PIK3C2B: variants seen among roughly 807,000 people sequenced by gnomAD.
PIK3C2B encodes phosphatidylinositol-4-phosphate 3-kinase catalytic subunit type 2 beta.
A neutral mutation model predicts 184.3 loss-of-function variants in PIK3C2B; 83 were observed. The observed-to-expected ratio is 0.45, with a 90% CI of 0.38 to 0.54. PIK3C2B has a LOEUF of 0.54. PIK3C2B is among the 20% of genes least tolerant of loss of function. PIK3C2B has a pLI of 0.00. For synonymous variants in PIK3C2B, 779 were observed against 837.6 expected (o/e 0.93, Z 1.21); for missense variants, 1,736 against 2,113.5 (o/e 0.82, Z 3.50).
chr1:204,462,537 A>G (rs960102364), intron 5 of PIK3C2B, among the ~76,000 whole-genome samples: 1 of 152,166 alleles, frequency 6.6e-6, no homozygotes, highest in Non-Finnish European at 1.5e-5. Context: ...CCCTTCTAAC[A>G]GTGGCAGGCC....
At position 204,464,437 on chromosome 1, in the gene PIK3C2B, C is replaced by A. The variant is rs756601020; in HGVS notation, c.1189+13G>T. ...AAGGGATGCTCACATCCTCTCCCCC[C>A]TCACTAACTTACAGTTGCAGGTGAA... On this transcript the variant is annotated intron_variant, in intron 4 of 32. Coordinates refer to ENST00000684373, the MANE Select transcript of PIK3C2B (RefSeq NM_001377334.1). 1.7e-5 allele frequency: 27 copies of A among 1,610,678 alleles called. No homozygotes were observed. The highest frequency in any genetic ancestry group is 2.1e-5 in the Non-Finnish European group (25 of 1,177,666).
Position 204,464,585 on chromosome 1 carries a change from T to C in PIK3C2B, c.1054A>G (p.Ile352Val), listed in dbSNP as rs1230296340. The C allele has an allele frequency of 6.2e-7, 1 of 1,613,968 alleles. No individual in the cohort carries two copies. The highest frequency in any genetic ancestry group is 8.5e-7 in the Non-Finnish European group (1 of 1,179,980). The part of the protein sequence containing the change: ...MLDILRSGSD[I>V]QDYFLTGYVW... Reference sequence around the variant, plus strand: ...TAGCCAGTGAGGAAGTAGTCTTGGATGTCAGAGCCAGATCGAAGGCTGTAC... The same window carrying C: ...TAGCCAGTGAGGAAGTAGTCTTGGACGTCAGAGCCAGATCGAAGGCTGTAC... Residue 352 changes from isoleucine to valine, a missense_variant, in exon 4 of 33, where the codon ATC becomes GTC. Transcript: ENST00000684373.
At position 204,425,718 on chromosome 1, in the gene PIK3C2B, G is replaced by T. The variant is rs1674706854; in HGVS notation, c.4611C>A (p.Asp1537Glu). The change falls in exon 32 of 33, where the codon GAC becomes GAA. Residue 1537 changes from aspartate (D) to glutamate (E), a missense_variant. Transcript: ENST00000684373. ...RGLQLLQDGN[D>E]PDPYVKIYLL... is the part of the protein sequence containing the mutation. ...GGTAAATTTTCACATAGGGGTCAGG[G>T]TCATTTCCATCCTGGAGCAGTTGCT... 1 of 1,613,702 alleles carries T rather than the reference G, an allele frequency of 6.2e-7. No individual in the cohort carries two copies. Among genetic ancestry groups the T allele is most frequent in the African/African-American group, 1.3e-5 (1 of 74,824 alleles).
chr1:204,443,467 G>C lies in PIK3C2B; in HGVS notation c.2998C>G (p.Leu1000Val), dbSNP rs747453295. ...CGGACCTGCTGGGCCAGTTTGGCCA[G>C]GGCATTGACAAGCCAGCACTGGCGG... ...FNRQCWLVNA[L>V]AKLAQQVREA... is the part of the protein sequence containing the mutation. Residue 1000 changes from leucine to valine, a missense_variant, in exon 19 of 33, where the codon CTG (leucine) becomes GTG (valine). Coordinates refer to ENST00000684373, the MANE Select transcript of PIK3C2B (RefSeq NM_001377334.1). The C allele has an allele frequency of 1.2e-6, 2 of 1,614,096 alleles. No homozygotes were observed. Among genetic ancestry groups the C allele is most frequent in the Non-Finnish European group, 1.7e-6 (2 of 1,180,050 alleles).
At chr1:204,455,061 C>T (rs551997588) in intron 11 of PIK3C2B, among the ~76,000 whole-genome samples, 26 of 152,378 alleles carry the variant, frequency 1.7e-4, no homozygotes, top group African/African-American at 5.8e-4. Flanking sequence ...GGCCACCCAG[C>T]CTCTTTATAG....
At chr1:204,477,196 G>A (rs989126359) in intron 1 of PIK3C2B, among the ~76,000 whole-genome samples, 2 of 152,114 alleles carry the variant, frequency 1.3e-5, no homozygotes, top group Non-Finnish European at 1.5e-5. Context: ...TGTCATCTGC[G>A]AAGCTTTAAA....
intron 2 of PIK3C2B, among the ~76,000 whole-genome samples, chr1:204,468,620 G>C (rs544374731): frequency 6.6e-6 from 1 of 152,320 alleles, no homozygotes; most frequent in South Asian, 2.1e-4. Flanking sequence ...CCAAATGCCT[G>C]CCCCAGAAGG....
intron 15 of PIK3C2B, 137 bp from the exon 16 acceptor site, chr1:204,446,281 T>G (rs1653857656): frequency 4.1e-6 from 2 of 493,458 alleles, no homozygotes; most frequent in African/African-American, 2.0e-5. Context: ...CAAGCTTTGC[T>G]GCATATGACA....
chr1:204,457,634 G>T, intron 9 of PIK3C2B, 94 bp downstream of exon 9: 1 of 1,225,104 alleles, frequency 8.2e-7, no homozygotes, highest in Non-Finnish European at 1.1e-6. Flanking sequence ...CCTTTTTAGT[G>T]AGTGAACACC....
At chr1:204,430,137 C>A (rs919793593) in intron 28 of PIK3C2B, 99 bp from the exon 29 acceptor site, 9 of 721,386 alleles carry the variant, frequency 1.2e-5, no homozygotes, top group Non-Finnish European at 1.4e-5. Flanking sequence ...CGTTTCCAGT[C>A]CCCTAGCACC....
chr1:204,487,114 G>GT (rs1167339024), intron 1 of PIK3C2B, among the ~76,000 whole-genome samples: 1 of 152,186 alleles, frequency 6.6e-6, no homozygotes, highest in African/African-American at 2.4e-5. Context: ...CTCTATGTTT[G>GT]TTTTTTAAAG....
At position 204,470,237 on chromosome 1, in the gene PIK3C2B, G is replaced by A. The variant is rs188834040; in HGVS notation, c.-84-351C>T. On this transcript the variant is annotated intron_variant, in intron 1 of 32. Transcript: ENST00000684373. ...GGCTGGAATGCAATGGTGCGATCTC[G>A]GCTCACTGCAACCTCCACCTCCCAG... Among the ~76,000 whole-genome samples, 580 of 149,414 alleles carry A rather than the reference G, an allele frequency of 3.9e-3. 3 individuals are homozygous for A. The highest frequency in any genetic ancestry group is 0.013 in the African/African-American group (534 of 40,450).
In PIK3C2B at chr1:204,432,245, A is replaced by G. The variant is rs753073995; in HGVS notation, c.4110T>C (p.Val1370=). The G allele has an allele frequency of 1.2e-6, 2 of 1,614,148 alleles. No homozygotes were observed. Among genetic ancestry groups the G allele is most frequent in the South Asian group, 1.1e-5 (1 of 91,078 alleles). Reference sequence around the variant, plus strand: ...AGATCTTCTCATGGCGGCAGAGGAAAACATCACTGATTCGGCCAGAGCTCT... The same window carrying G: ...AGATCTTCTCATGGCGGCAGAGGAAGACATCACTGATTCGGCCAGAGCTCT... ...TLKSSGRISD[V]FLCRHEKIFH... Residue 1370 remains valine, a synonymous_variant, in exon 27 of 33, where the codon GTT becomes GTC. Coordinates refer to ENST00000684373, the MANE Select transcript of PIK3C2B (RefSeq NM_001377334.1).
chr1:204,465,172 C>A, intron 3 of PIK3C2B, 47 bp downstream of exon 3: 1 of 820,642 alleles, frequency 1.2e-6, no homozygotes, highest in East Asian at 3.0e-5. Flanking sequence ...CCCCCCTCCC[C>A]ATCCCCCATA....
chr1:204,447,511 CGGGGGCTGAACTTGTCTCCAG>C lies in PIK3C2B; in HGVS notation c.2393_2413del (p.Pro798_Pro804del). The C allele has an allele frequency of 6.2e-7, 1 of 1,611,230 alleles. No homozygotes were observed. The highest frequency in any genetic ancestry group is 8.5e-7 in the Non-Finnish European group (1 of 1,178,930). ...TTCCCGGAGGCTGCCAAACTCATAG[CGGGGGCTGAACTTGTCTCCAG>C]GGGGGCTGGTGAACTTGATGTCAAA... On this transcript the variant is annotated inframe_deletion, in exon 15 of 33. Transcript: ENST00000684373. This position sits in a 1 kb window ranked among gnomAD's most constrained non-coding sequence, Gnocchi z 4.1.
chr1:204,473,458 T>TG (rs142525227), intron 1 of PIK3C2B, among the ~76,000 whole-genome samples: 2,665 of 152,294 alleles, frequency 0.017, 89 homozygotes, highest in African/African-American at 0.058. Context: ...CATAAGCAGA[T>TG]GGAGATATCC....
intron 10 of PIK3C2B, chr1:204,456,365 G>A (rs148014014): frequency 0.011 from 2,373 of 222,078 alleles, 23 homozygotes; most frequent in Middle Eastern, 0.03. Context: ...CTTCAAAAAA[G>A]CAAAAGTCAA....
chr1:204,456,902 A>ACACACC (rs71145089), intron 10 of PIK3C2B, 135 bp downstream of exon 10: 10 of 363,840 alleles, frequency 2.7e-5, no homozygotes, highest in East Asian at 5.0e-5. Context: ...ACACACACAC[A>ACACACC]CACACCCACA....
intron 8 of PIK3C2B, among the ~76,000 whole-genome samples, chr1:204,458,558 A>G (rs556327324): frequency 7.1e-4 from 106 of 149,974 alleles, no homozygotes; most frequent in Non-Finnish European, 1.3e-3. Flanking sequence ...CAATGGCGCG[A>G]TCTCGGCTCA....
Sources: gnomAD v4.1 joint callset for allele counts (sites outside exome capture counted in the v4.1 genomes callset) on GRCh38, gnomAD v4.1.1 for gene constraint, Gnocchi (gnomAD v3.1) non-coding constraint, MANE v1.5 for transcripts, NCBI Gene and HGNC (gene_info 2026-07-23, HGNC 2026-07-21) for gene names.